Variants in CHD1L observed in about 807,000 individuals in gnomAD.
The protein encoded by CHD1L is ATP-dependent chromatin remodeler CHD1L.
A neutral mutation model predicts 115.9 loss-of-function variants in CHD1L; 118 were observed. The ratio of observed to expected loss-of-function variants is 1.02; its 90% confidence interval spans 0.88 to 1.19. The LOEUF is 1.19. Among genes scored for constraint, CHD1L ranks in the 50% most tolerant of loss-of-function variants. The pLI, the probability that CHD1L is intolerant of heterozygous loss-of-function variation, is 0.00. For missense variants in CHD1L, 1,179 were observed against 1,065.3 expected (o/e 1.11, Z -1.49); for synonymous variants, 411 against 387.1 (o/e 1.06, Z -0.72).
chr1:147,234,843 A>G, the CHD1L span, among the ~76,000 whole-genome samples: 1 of 152,152 alleles, frequency 6.6e-6, no homozygotes, highest in Non-Finnish European at 1.5e-5. Flanking sequence ...TCCATGGCAG[A>G]GGGTAGGAAT....
At chr1:147,265,500 T>G (rs1179937168) in intron 7 of CHD1L, among the ~76,000 whole-genome samples, 1 of 152,196 alleles carries the variant, frequency 6.6e-6, no homozygotes, top group Non-Finnish European at 1.5e-5. Context: ...GGATTTTAAG[T>G]CAAAGAGCCA....
chr1:147,277,283 A>T (rs948911867), intron 14 of CHD1L, among the ~76,000 whole-genome samples: 1 of 152,216 alleles, frequency 6.6e-6, no homozygotes, highest in African/African-American at 2.4e-5. Flanking sequence ...ATTGGAAAGG[A>T]CTAGTCCATC....
At chr1:147,179,591 A>C in the CHD1L span, 1 of 1,582,224 alleles carries the variant, frequency 6.3e-7, no homozygotes, top group Non-Finnish European at 8.7e-7. Flanking sequence ...TTCAAGAAGA[A>C]AAACCCAAGA....
chr1:147,252,856 A>T lies in CHD1L; in HGVS notation c.240+121A>T. ...AGTTTCACAAATGTCCCTGGGATCC[A>T]GGCTAACTGGCTCTTGCACCGGGAA... On this transcript the variant is annotated intron_variant, in intron 2 of 22. Transcript: ENST00000369258. 5 of 783,238 alleles carry T rather than the reference A, an allele frequency of 6.4e-6. No homozygotes were observed. In the South Asian group the frequency reaches 8.6e-5, roughly 13 times the overall value. 48.5% of individuals were successfully genotyped at this position (783,238 alleles called of 1,614,324 possible). A position where few individuals can be genotyped will look rare whatever the true frequency, so the allele number is the denominator to read the frequency against.
chr1:147,248,027 C>T (rs143277771), intron 1 of CHD1L, among the ~76,000 whole-genome samples: 222 of 152,252 alleles, frequency 1.5e-3, no homozygotes, highest in African/African-American at 5.1e-3. Context: ...TTCAGAATGC[C>T]TTTTGCCATA....
chr1:147,221,143 G>C, the CHD1L span, among the ~76,000 whole-genome samples: 1 of 151,730 alleles, frequency 6.6e-6, no homozygotes, highest in African/African-American at 2.4e-5. Flanking sequence ...CAAAAACAAG[G>C]AAAGTCTAAG....
chr1:147,248,199 C>T (rs115119796), intron 1 of CHD1L, among the ~76,000 whole-genome samples: 1,485 of 115,898 alleles, frequency 0.013, 24 homozygotes, highest in African/African-American at 0.047. Context: ...AAAATCCACT[C>T]TGGAAGTCTT....
chr1:147,200,355 C>T, the CHD1L span, among the ~76,000 whole-genome samples: 11 of 152,098 alleles, frequency 7.2e-5, no homozygotes, highest in South Asian at 2.1e-4. Flanking sequence ...AATCTCTCTC[C>T]GGCTTTTTCA....
the CHD1L span, among the ~76,000 whole-genome samples, chr1:147,189,963 T>A: frequency 6.6e-6 from 1 of 152,178 alleles, no homozygotes; most frequent in Admixed American, 6.5e-5. Context: ...ACATATGATT[T>A]TAGACACCTA....
the CHD1L span, chr1:147,203,279 C>T: frequency 2.1e-5 from 33 of 1,576,632 alleles, no homozygotes; most frequent in Non-Finnish European, 2.8e-5. Context: ...CAATTTCAAT[C>T]ATTTTGGTCA....
At chr1:147,275,284 A>C in intron 12 of CHD1L, 70 bp from the exon 13 acceptor site, 2 of 1,144,142 alleles carry the variant, frequency 1.7e-6, no homozygotes, top group Admixed American at 3.4e-5. Flanking sequence ...GACCCACTCT[A>C]GCCTTGTGCT....
In CHD1L at chr1:147,266,091, A is replaced by G. The variant is rs1553948196; in HGVS notation, c.895+4A>G. 6.2e-7 allele frequency: 1 copy of G among 1,606,290 alleles called. No homozygotes were observed. Among genetic ancestry groups the G allele is most frequent in the South Asian group, 1.1e-5 (1 of 89,036 alleles). On this transcript the variant is annotated splice_donor_region_variant and intron_variant, in intron 8 of 22. Transcript: ENST00000369258. ...GCCATTTTGATGAAAGACCTAGGTA[A>G]TCAGAGGGCACTTGTCCATTTAGAA...
the CHD1L span, among the ~76,000 whole-genome samples, chr1:147,213,074 C>T: frequency 6.6e-6 from 1 of 152,092 alleles, no homozygotes; most frequent in Non-Finnish European, 1.5e-5. Context: ...TCATTTGATA[C>T]AATGACTAAA....
intron 6 of CHD1L, among the ~76,000 whole-genome samples, chr1:147,262,518 G>A (rs765654926): frequency 5.3e-5 from 8 of 152,000 alleles, no homozygotes; most frequent in Non-Finnish European, 1.0e-4. Context: ...TAGCAGCCTT[G>A]GTTTCCTTTG....
intron 14 of CHD1L, among the ~76,000 whole-genome samples, chr1:147,278,219 T>TG (rs1553959307): frequency 9.4e-6 from 1 of 106,300 alleles, no homozygotes; most frequent in Non-Finnish European, 1.8e-5. Context: ...TTTTGTTTTT[T>TG]GGGTTTTTTT....
chr1:147,183,226 T>C, the CHD1L span, among the ~76,000 whole-genome samples: 43,555 of 152,000 alleles, frequency 0.29, 6,389 homozygotes, highest in African/African-American at 0.37. Context: ...CTGATTCAGA[T>C]CAATGACTCA....
chr1:147,283,154 G>T (rs1681589058), intron 15 of CHD1L, among the ~76,000 whole-genome samples: 1 of 152,144 alleles, frequency 6.6e-6, no homozygotes, highest in African/African-American at 2.4e-5. Flanking sequence ...TACATATGTT[G>T]ATCATATTTG....
the CHD1L span, among the ~76,000 whole-genome samples, chr1:147,199,383 A>T: frequency 3.9e-5 from 6 of 152,310 alleles, no homozygotes; most frequent in East Asian, 9.6e-4. Context: ...AGTCTGGTAA[A>T]GTTAGAGAAT....
At chr1:147,285,937 G>C (rs143992740) in intron 17 of CHD1L, among the ~76,000 whole-genome samples, 3 of 152,110 alleles carry the variant, frequency 2.0e-5, no homozygotes, top group Admixed American at 2.0e-4. Flanking sequence ...GGCCCAAGCT[G>C]TCTTTCTGCC....
Sources: gnomAD v4.1 joint callset for allele counts (sites outside exome capture counted in the v4.1 genomes callset) on GRCh38, gnomAD v4.1.1 for gene constraint, MANE v1.5 for transcripts, NCBI Gene and HGNC (gene_info 2026-07-23, HGNC 2026-07-21) for gene names.